Variants in TNKS observed in about 807,000 individuals in gnomAD.
TNKS encodes the protein tankyrase, also known as poly [ADP-ribose] polymerase tankyrase-1.
In TNKS, 72 loss-of-function variants were observed where a neutral mutation model predicts 135.8. The observed-to-expected ratio is 0.53, with a 90% CI of 0.44 to 0.64. The LOEUF (loss-of-function observed/expected upper bound fraction) is 0.64. TNKS is among the 30% of genes least tolerant of loss of function. The pLI, the probability that TNKS is intolerant of heterozygous loss-of-function variation, is 0.00. For missense variants in TNKS, 1,769 were observed against 1,674.0 expected, an observed-to-expected ratio of 1.06 and a Z score of -0.99; for synonymous variants, 849 against 649.3, an observed-to-expected ratio of 1.31 and a Z score of -4.68.
At chr8:9,571,538 A>C (rs1417300096) in intron 1 of TNKS, among the ~76,000 whole-genome samples, 1 of 152,080 alleles carries the variant, frequency 6.6e-6, no homozygotes, top group Non-Finnish European at 1.5e-5. Context: ...GCTCACTGCA[A>C]GCTCCGCCTC....
Position 9,556,863 on chromosome 8 carries a change from G to T in TNKS, c.673+251G>T, listed in dbSNP as rs1815339329. On this transcript the variant is annotated intron_variant, in intron 1 of 26. Transcript: ENST00000310430. ...ACTCATTACAAAACTCACTGTAGTT[G>T]GTAGTCTCTGCATATGGATATATTT... The T allele has an allele frequency of 1.4e-5, 8 of 580,508 alleles. No homozygotes were observed. In the East Asian group the frequency reaches 1.9e-4, roughly 14 times the overall value. The allele number at this position is 580,508 out of a possible 1,614,324, so 36.0% of individuals were successfully genotyped here. A position where few individuals can be genotyped will look rare whatever the true frequency, so the allele number is the denominator to read the frequency against.
chr8:9,759,952 G>A (rs764619627), intron 20 of TNKS, among the ~76,000 whole-genome samples: 10 of 151,598 alleles, frequency 6.6e-5, no homozygotes, highest in African/African-American at 1.7e-4. Flanking sequence ...CACTCCAGCC[G>A]GGGCGACAGA....
At chr8:9,671,981 T>G (rs180863062) in intron 3 of TNKS, among the ~76,000 whole-genome samples, 21 of 152,332 alleles carry the variant, frequency 1.4e-4, no homozygotes, top group Admixed American at 1.2e-3. Flanking sequence ...ACCTTCCCTT[T>G]GTCCATAGAT....
chr8:9,755,328 T>A, intron 20 of TNKS, among the ~76,000 whole-genome samples: 1 of 152,224 alleles, frequency 6.6e-6, no homozygotes, highest in East Asian at 1.9e-4. Flanking sequence ...AGTTTCATTC[T>A]GAGTAAATGG....
At chr8:9,685,000 T>G (rs1802930145) in intron 5 of TNKS, among the ~76,000 whole-genome samples, 1 of 152,146 alleles carries the variant, frequency 6.6e-6, no homozygotes, top group Admixed American at 6.6e-5. Flanking sequence ...AGTATACCCT[T>G]CTGTAAGAAA....
rs200672279 is a variant in TNKS, at chr8:9,751,723, C to A, written c.2947C>A (p.Pro983Thr). 1 of 1,614,188 alleles carries A rather than the reference C, an allele frequency of 6.2e-7. No individual in the cohort carries two copies. Among genetic ancestry groups the A allele is most frequent in the Admixed American group, 1.7e-5 (1 of 60,020 alleles). ...SASLISPAST[P>T]SCLSAASSID... ...CTCTCTGATCTCACCAGCATCCACC[C>A]CCTCCTGCCTCTCGGCTGCCAGCAG... Residue 983 changes from proline to threonine, a missense_variant, in exon 19 of 27, where the codon CCC (proline) becomes ACC (threonine). Coordinates refer to ENST00000310430, the MANE Select transcript of TNKS (RefSeq NM_003747.3).
Position 9,733,445 on chromosome 8 carries a change from G to A in TNKS, c.2313+1G>A. On this transcript the variant is annotated splice_donor_variant, in intron 15 of 26. Transcript: ENST00000310430. LOFTEE classifies it high-confidence loss of function. ...TGAAATCTGCAAGCTCCTTTTAAAAGTATGTAGTTTAAAAAGTTATGAAAT... is the reference window on the plus strand; with the variant it reads ...TGAAATCTGCAAGCTCCTTTTAAAAATATGTAGTTTAAAAAGTTATGAAAT... 1 of 1,610,280 alleles carries A rather than the reference G, an allele frequency of 6.2e-7. No individual in the cohort carries two copies. The highest frequency in any genetic ancestry group is 8.5e-7 in the Non-Finnish European group (1 of 1,177,988).
In TNKS at chr8:9,706,809, A is replaced by G. The variant is rs1287770260; in HGVS notation, c.1270-2A>G. 1.9e-6 allele frequency: 3 copies of G among 1,599,146 alleles called. No homozygotes were observed. The highest frequency in any genetic ancestry group is 1.1e-5 in the South Asian group (1 of 87,152). On this transcript the variant is annotated splice_acceptor_variant, in intron 7 of 26. Transcript: ENST00000310430. LOFTEE classifies it high-confidence loss of function. Reference sequence around the variant, plus strand: ...CCTAAAATGTTTTTTTTCTCAATTCAGCATGGAGCTTGTGTTAATGCCATG... The same window carrying G: ...CCTAAAATGTTTTTTTTCTCAATTCGGCATGGAGCTTGTGTTAATGCCATG...
At position 9,719,261 on chromosome 8, in the gene TNKS, C is replaced by T. The variant is rs1452584282; in HGVS notation, c.1750-1113C>T. On this transcript the variant is annotated intron_variant, in intron 11 of 26. Transcript: ENST00000310430. The stretch of plus-strand genomic sequence containing the variant: ...CTTACTGGTAATGATAAAAGACTGG[C>T]GACAGGGAGACTAGTTGTCTTTTAT... 5.9e-5 allele frequency among the ~76,000 whole-genome samples: 9 copies of T among 152,070 alleles called. No individual in the cohort carries two copies. The East Asian group carries it at 1.3e-3, about 23-fold the overall frequency.
chr8:9,752,489 T>A (rs1806595404), intron 19 of TNKS, 55 bp from the exon 20 acceptor site: 2 of 1,388,258 alleles, frequency 1.4e-6, no homozygotes, highest in Non-Finnish European at 2.0e-6. Context: ...ATACTGAAAT[T>A]TTCTTTATAT....
At chr8:9,651,673 T>C (rs542018849) in intron 3 of TNKS, among the ~76,000 whole-genome samples, 2 of 152,300 alleles carry the variant, frequency 1.3e-5, no homozygotes, top group African/African-American at 4.8e-5. Context: ...GTGATGTCAT[T>C]AGTCAGAAAG....
Position 9,584,053 on chromosome 8 carries a change from A to G in TNKS, c.898+3670A>G, listed in dbSNP as rs531232873. On this transcript the variant is annotated intron_variant, in intron 2 of 26. Transcript: ENST00000310430. ...GTGGTGGGCGCCTGTAGTCCCAGCT[A>G]CTGGGGAGGCTGAGGCAGGAGAATG... 1.9e-3 allele frequency among the ~76,000 whole-genome samples: 288 copies of G among 151,036 alleles called. 1 individual carries two copies. The highest frequency in any genetic ancestry group is 6.8e-3 in the African/African-American group (278 of 41,184).
chr8:9,699,659 C>A (rs1156294634), intron 5 of TNKS, among the ~76,000 whole-genome samples: 1 of 152,190 alleles, frequency 6.6e-6, no homozygotes, highest in Non-Finnish European at 1.5e-5. Context: ...TCACCACTCT[C>A]ATAGCTCAGC....
At chr8:9,706,572 A>G (rs1188982547) in intron 7 of TNKS, among the ~76,000 whole-genome samples, 1 of 152,216 alleles carries the variant, frequency 6.6e-6, no homozygotes, top group Non-Finnish European at 1.5e-5. Context: ...CATGTTGCCC[A>G]GTCTTGTTTT....
intron 1 of TNKS, chr8:9,556,880 G>T (rs762315654): frequency 3.4e-5 from 19 of 560,576 alleles, no homozygotes; most frequent in Non-Finnish European, 5.7e-5. Flanking sequence ...TCTGCATATG[G>T]ATATATTTAC....
intron 2 of TNKS, among the ~76,000 whole-genome samples, chr8:9,613,509 G>A (rs1347837309): frequency 6.6e-6 from 1 of 152,170 alleles, no homozygotes; most frequent in East Asian, 1.9e-4. Flanking sequence ...CATATGTGAT[G>A]AATGAAATAT....
chr8:9,706,861 C>A lies in TNKS; in HGVS notation c.1320C>A (p.His440Gln). 4 of 1,613,882 alleles carry A rather than the reference C, an allele frequency of 2.5e-6. No individual in the cohort carries two copies. The highest frequency in any genetic ancestry group is 1.1e-5 in the South Asian group (1 of 91,052). Reference sequence around the variant, plus strand: ...ATCTCTGGCAGTTTACTCCACTGCACGAGGCTGCTTCCAAGAACCGTGTAG... The same window carrying A: ...ATCTCTGGCAGTTTACTCCACTGCAAGAGGCTGCTTCCAAGAACCGTGTAG... ...AMDLWQFTPL[H>Q]EAASKNRVEV... Residue 440 changes from histidine (H) to glutamine (Q), a missense_variant, in exon 8 of 27, where the codon CAC becomes CAA. Transcript: ENST00000310430.
intron 2 of TNKS, among the ~76,000 whole-genome samples, chr8:9,591,631 G>A (rs1798593782): frequency 6.6e-6 from 1 of 152,034 alleles, no homozygotes; most frequent in Non-Finnish European, 1.5e-5. Flanking sequence ...ACTGATTTTT[G>A]AGAATTCTTT....
At chr8:9,766,588 C>A (rs549396506) in intron 25 of TNKS, among the ~76,000 whole-genome samples, 163 bp downstream of exon 25, 1 of 150,784 alleles carries the variant, frequency 6.6e-6, no homozygotes, top group South Asian at 2.1e-4. Context: ...TGGGTTCAAG[C>A]AATTCTCCTG....
Sources: gnomAD v4.1 joint callset for allele counts (sites outside exome capture counted in the v4.1 genomes callset) on GRCh38, gnomAD v4.1.1 for gene constraint, MANE v1.5 for transcripts, NCBI Gene and HGNC (gene_info 2026-07-23, HGNC 2026-07-21) for gene names.